Variants in CDH3 observed in about 807,000 individuals in gnomAD.
CDH3 encodes the protein cadherin-3.
CDH3 carries 54 observed loss-of-function variants against 82.0 expected under a neutral mutation model. That is an observed-to-expected ratio of 0.66 (90% CI 0.53 to 0.83). CDH3 has a LOEUF of 0.83. CDH3 is among the 40% of genes least tolerant of loss of function. CDH3 has a pLI of 0.00. For missense variants in CDH3, 1,054 were observed against 1,084.6 expected (o/e 0.97, Z 0.40); for synonymous variants, 446 against 437.9 (o/e 1.02, Z -0.23).
chr16:68,675,973 G>A (rs575446838), intron 2 of CDH3, among the ~76,000 whole-genome samples: 3 of 152,228 alleles, frequency 2.0e-5, no homozygotes, highest in Non-Finnish European at 2.9e-5. Flanking sequence ...ACAACCAAAG[G>A]TTGTCCAGGT....
intron 2 of CDH3, among the ~76,000 whole-genome samples, chr16:68,653,277 C>G (rs1022451667): frequency 6.6e-6 from 1 of 151,740 alleles, no homozygotes; most frequent in African/African-American, 2.4e-5. Flanking sequence ...TTTGCTCTTG[C>G]CCAGGCTGGA....
At chr16:68,692,903 G>C (rs1270908627) in intron 13 of CDH3, among the ~76,000 whole-genome samples, 1 of 152,192 alleles carries the variant, frequency 6.6e-6, no homozygotes, top group Non-Finnish European at 1.5e-5. Flanking sequence ...TCAGGAGTTT[G>C]AGACCACCCT....
intron 1 of CDH3, among the ~76,000 whole-genome samples, chr16:68,722,091 A>G (rs1962171399): frequency 6.6e-6 from 1 of 152,170 alleles, no homozygotes; most frequent in Non-Finnish European, 1.5e-5. Flanking sequence ...ACCAACAACA[A>G]CAACATCAAC....
rs147489224 is a variant in CDH3, at chr16:68,696,375, G to A, written c.2280+452G>A. On this transcript the variant is annotated intron_variant, in intron 15 of 15. Coordinates refer to ENST00000264012, the MANE Select transcript of CDH3 (RefSeq NM_001793.6). Reference sequence around the variant, plus strand: ...AGAGGTTGCAGTGAGCCGACATCACGCCACTGCACTCCAGCCTGGGTGACA... The same window carrying A: ...AGAGGTTGCAGTGAGCCGACATCACACCACTGCACTCCAGCCTGGGTGACA... The A allele has an allele frequency of 5.7e-3, 1,711 of 297,662 alleles. 33 individuals are homozygous for A. The highest frequency in any genetic ancestry group is 0.034 in the African/African-American group (1,581 of 45,886). The allele number at this position is 297,662 out of a possible 1,614,324, so 18.4% of individuals were successfully genotyped here. A position where few individuals can be genotyped will look rare whatever the true frequency, so the allele number is the denominator to read the frequency against.
At chr16:68,684,525 C>T (rs1035212353) in intron 9 of CDH3, 58 bp from the exon 10 acceptor site, 1 of 1,609,356 alleles carries the variant, frequency 6.2e-7, no homozygotes, top group African/African-American at 1.3e-5. Context: ...CTCAACTGTC[C>T]TGCACAGGAC....
intron 2 of CDH3, among the ~76,000 whole-genome samples, chr16:68,675,657 G>A (rs11645854): frequency 0.45 from 67,823 of 151,858 alleles, 15,481 homozygotes; most frequent in East Asian, 0.62. Context: ...AGCTGGGCAT[G>A]GTGGCGCACG....
downstream of CDH3, among the ~76,000 whole-genome samples, chr16:68,704,472 C>T (rs983127384): frequency 1.3e-5 from 2 of 152,126 alleles, no homozygotes; most frequent in African/African-American, 4.8e-5. Flanking sequence ...GCAGGGAGTG[C>T]CTGTGTCAGG....
At chr16:68,723,897 G>C (rs868295927) in intron 2 of CDH3, among the ~76,000 whole-genome samples, 1 of 152,108 alleles carries the variant, frequency 6.6e-6, no homozygotes, top group Non-Finnish European at 1.5e-5. Context: ...GTGAAACCCC[G>C]TCTCTACTAA....
At chr16:68,703,426 G>C (rs752093103), downstream of CDH3, among the ~76,000 whole-genome samples, 3 of 152,218 alleles carry the variant, frequency 2.0e-5, no homozygotes, top group African/African-American at 7.2e-5. Context: ...AAGTGTGGGA[G>C]CAGTCACCCT....
chr16:68,697,235 A>G (rs1160300963), intron 15 of CDH3, among the ~76,000 whole-genome samples: 1 of 151,594 alleles, frequency 6.6e-6, no homozygotes, highest in African/African-American at 2.4e-5. Flanking sequence ...GAGGCAGGAG[A>G]ATCGCTTGAA....
At chr16:68,693,473 C>A (rs747687038) in intron 13 of CDH3, among the ~76,000 whole-genome samples, 4 of 152,098 alleles carry the variant, frequency 2.6e-5, no homozygotes, top group Non-Finnish European at 4.4e-5. Context: ...CATGGATGAT[C>A]GCAAGGCTTT....
intron 2 of CDH3, among the ~76,000 whole-genome samples, chr16:68,650,450 C>A (rs556858667): frequency 6.6e-6 from 1 of 152,238 alleles, no homozygotes; most frequent in Admixed American, 6.5e-5. Context: ...TACAGGCATG[C>A]GCCACAACGC....
chr16:68,668,658 C>G (rs149902386), intron 2 of CDH3, among the ~76,000 whole-genome samples: 106 of 152,346 alleles, frequency 7.0e-4, no homozygotes, highest in African/African-American at 2.3e-3. Context: ...TCTCCAAATG[C>G]AGACTGAGCC....
At chr16:68,727,867 C>T (rs1255303280), downstream of CDH3, among the ~76,000 whole-genome samples, 1 of 152,052 alleles carries the variant, frequency 6.6e-6, no homozygotes, top group African/African-American at 2.4e-5. Context: ...CGAGATCACG[C>T]CACTGCACTC....
At chr16:68,660,800 A>C (rs1328201481) in intron 2 of CDH3, among the ~76,000 whole-genome samples, 7 of 152,074 alleles carry the variant, frequency 4.6e-5, no homozygotes, top group Non-Finnish European at 1.0e-4. Context: ...CTACTAAAAA[A>C]CACAAAAAAT....
At chr16:68,653,668 A>ATTTCT (rs1462368111) in intron 2 of CDH3, among the ~76,000 whole-genome samples, 140 of 149,054 alleles carry the variant, frequency 9.4e-4, no homozygotes, top group African/African-American at 3.3e-3. Flanking sequence ...AGGGCCCTGA[A>ATTTCT]TTTCTTTTCT....
At position 68,691,865 on chromosome 16, in the gene CDH3, C is replaced by T. The variant is rs1405265317; in HGVS notation, c.1941C>T (p.Cys647=). 1.2e-6 allele frequency: 2 copies of T among 1,614,106 alleles called. No individual in the cohort carries two copies. Among genetic ancestry groups the T allele is most frequent in the Admixed American group, 1.7e-5 (1 of 60,016 alleles). Residue 647 remains cysteine, a synonymous_variant, in exon 13 of 16, where the codon TGC becomes TGT. Coordinates refer to ENST00000264012, the MANE Select transcript of CDH3 (RefSeq NM_001793.6). ...VCDCHGHVET[C]PGPWKGGFIL... is the part of the protein sequence containing the mutation. ...ACTGCCATGGCCATGTCGAAACCTG[C>T]CCTGGACCCTGGAAGGGAGGTTTCA...
chr16:68,684,511 A>C (rs902221555), intron 9 of CDH3, 72 bp from the exon 10 acceptor site: 109 of 1,582,798 alleles, frequency 6.9e-5, no homozygotes, highest in Non-Finnish European at 9.2e-5. Flanking sequence ...TTTCCTTCTC[A>C]CATCTCAACT....
At chr16:68,672,290 G>T (rs1422996106) in intron 2 of CDH3, among the ~76,000 whole-genome samples, 1 of 149,484 alleles carries the variant, frequency 6.7e-6, no homozygotes, top group African/African-American at 2.5e-5. Context: ...ATTTTTCTGT[G>T]CATAGTTACA....
Sources: allele counts gnomAD v4.1 joint callset (sites outside exome capture counted in the v4.1 genomes callset), GRCh38; gene constraint gnomAD v4.1.1; transcripts MANE v1.5; gene names NCBI Gene and HGNC (gene_info 2026-07-23, HGNC 2026-07-21).